The following EXT2 variants were observed in gnomAD, a reference collection of about 807,000 sequenced individuals.
EXT2 encodes exostosin glycosyltransferase 2.
In EXT2, 53 loss-of-function variants were observed where a neutral mutation model predicts 81.6. The ratio of observed to expected loss-of-function variants is 0.65; its 90% CI spans 0.52 to 0.82. The LOEUF is 0.82. Ranked by LOEUF, EXT2 falls within the 40% of genes least tolerant of loss-of-function variation. EXT2 has a pLI of 0.00. For missense variants in EXT2, 774 were observed against 910.2 expected, an observed-to-expected ratio of 0.85 and a Z score of 1.93; for synonymous variants, 320 against 340.0, an observed-to-expected ratio of 0.94 and a Z score of 0.65.
intron 7 of EXT2, among the ~76,000 whole-genome samples, chr11:44,155,112 G>C (rs1954840359): frequency 6.6e-6 from 1 of 151,934 alleles, no homozygotes; most frequent in Admixed American, 6.6e-5. Flanking sequence ...TTTTAACTCT[G>C]TGATCCCATT....
intron 9 of EXT2, among the ~76,000 whole-genome samples, chr11:44,202,755 C>T (rs1955536547): frequency 6.6e-6 from 1 of 152,208 alleles, no homozygotes; most frequent in South Asian, 2.1e-4. Context: ...CACAGTCAAT[C>T]ATGTCAAGAT....
At chr11:44,096,232 G>T in intron 1 of EXT2, 2 of 1,535,816 alleles carry the variant, frequency 1.3e-6, no homozygotes, top group Non-Finnish European at 1.7e-6. Context: ...CAGCCACAGG[G>T]ATCTGATTCC....
chr11:44,131,912 A>T (rs199895240), intron 7 of EXT2, among the ~76,000 whole-genome samples: 1 of 152,042 alleles, frequency 6.6e-6, no homozygotes, highest in Admixed American at 6.5e-5. Context: ...TAATTTTGGT[A>T]CTTTCAGTAG....
chr11:44,105,168 T>C (rs1342300457), intron 1 of EXT2, among the ~76,000 whole-genome samples: 1 of 152,242 alleles, frequency 6.6e-6, no homozygotes, highest in Non-Finnish European at 1.5e-5. Flanking sequence ...GAGCTCCATT[T>C]ATCCGAAGCA....
chr11:44,239,310 T>C (rs1008667508), intron 13 of EXT2, among the ~76,000 whole-genome samples: 21 of 151,580 alleles, frequency 1.4e-4, no homozygotes, highest in African/African-American at 5.1e-4. Flanking sequence ...GTGTCGTTAA[T>C]GGGGACAGGA....
chr11:44,132,715 C>A (rs1437343779), intron 7 of EXT2, among the ~76,000 whole-genome samples: 1 of 152,156 alleles, frequency 6.6e-6, no homozygotes, highest in Non-Finnish European at 1.5e-5. Flanking sequence ...GTCCACTATG[C>A]CAGCTTAAAA....
intron 10 of EXT2, among the ~76,000 whole-genome samples, chr11:44,210,901 T>C (rs574885759): frequency 5.6e-4 from 85 of 152,308 alleles, no homozygotes; most frequent in African/African-American, 2.0e-3. Flanking sequence ...ATTGTATAGA[T>C]TCAAAACAAT....
chr11:44,179,963 G>A (rs1955212322), intron 8 of EXT2, among the ~76,000 whole-genome samples: 2 of 152,072 alleles, frequency 1.3e-5, no homozygotes, highest in South Asian at 4.2e-4. Flanking sequence ...ACAGCTGCAG[G>A]TTAGAAAACT....
intron 6 of EXT2, among the ~76,000 whole-genome samples, chr11:44,127,700 G>A (rs779794496): frequency 2.6e-5 from 4 of 152,140 alleles, no homozygotes; most frequent in Non-Finnish European, 5.9e-5. Flanking sequence ...CTCACCTGGA[G>A]AGCTTAAAAA....
At chr11:44,197,586 T>C (rs1025812966) in intron 8 of EXT2, among the ~76,000 whole-genome samples, 1 of 152,218 alleles carries the variant, frequency 6.6e-6, no homozygotes, top group East Asian at 1.9e-4. Context: ...TAATCTGTCA[T>C]GTTTAACTAG....
intron 4 of EXT2, 66 bp downstream of exon 4, chr11:44,114,367 T>A: frequency 2.1e-6 from 3 of 1,449,218 alleles, no homozygotes; most frequent in Non-Finnish European, 2.9e-6. Flanking sequence ...TGAGGTTTAG[T>A]GTGGTGGGCA....
In EXT2 at chr11:44,235,225, C is replaced by CTTTTT. The variant is rs35214626; in HGVS notation, c.1935+1003_1935+1007dup. 8.0e-3 allele frequency among the ~76,000 whole-genome samples: 406 copies of CTTTTT among 50,778 alleles called. 19 individuals are homozygous for CTTTTT. Among genetic ancestry groups the CTTTTT allele is most frequent in the Non-Finnish European group, 9.1e-3 (282 of 30,928 alleles). The allele number at this position is 50,778 out of a possible 152,430, so 33.3% of individuals were successfully genotyped here. A position where few individuals can be genotyped will look rare whatever the true frequency, so the allele number is the denominator to read the frequency against. ...GGGACCCTTCCCATCCCCAAATTTG[C>CTTTTT]TTTTTTTTTTTTTTTTTTTTTTTTT... On this transcript the variant is annotated intron_variant, in intron 12 of 13. Transcript: ENST00000533608.
At chr11:44,179,875 G>T (rs1955211026) in intron 8 of EXT2, among the ~76,000 whole-genome samples, 1 of 151,976 alleles carries the variant, frequency 6.6e-6, no homozygotes, top group Non-Finnish European at 1.5e-5. Context: ...TGATTAATGT[G>T]TCTCCCAATT....
intron 5 of EXT2, among the ~76,000 whole-genome samples, chr11:44,125,451 T>C (rs577622492): frequency 3.3e-5 from 5 of 152,286 alleles, no homozygotes; most frequent in East Asian, 1.9e-4. Flanking sequence ...TTTGGAGTTC[T>C]TGCCACCTTT....
chr11:44,182,551 T>C (rs1216693183), intron 8 of EXT2, among the ~76,000 whole-genome samples: 1 of 152,222 alleles, frequency 6.6e-6, no homozygotes, highest in Non-Finnish European at 1.5e-5. Flanking sequence ...CTAAAAATAG[T>C]ACACTCTTTA....
intron 10 of EXT2, among the ~76,000 whole-genome samples, chr11:44,209,911 T>G (rs945968186): frequency 1.3e-5 from 2 of 152,264 alleles, no homozygotes; most frequent in Non-Finnish European, 2.9e-5. Flanking sequence ...TGCTATGCCC[T>G]CTGTGCCTAA....
chr11:44,210,339 T>C (rs898703479), intron 10 of EXT2, among the ~76,000 whole-genome samples: 3 of 152,198 alleles, frequency 2.0e-5, no homozygotes, highest in African/African-American at 7.2e-5. Context: ...TATTGATACA[T>C]GCAACAACAT....
intron 4 of EXT2, among the ~76,000 whole-genome samples, chr11:44,115,574 G>A (rs1161482045): frequency 6.6e-6 from 1 of 152,184 alleles, no homozygotes; most frequent in South Asian, 2.1e-4. Flanking sequence ...GTGTGGAAGT[G>A]CTCAGAAGCA....
At chr11:44,171,847 C>A in intron 8 of EXT2, 105 bp downstream of exon 8, 1 of 1,545,860 alleles carries the variant, frequency 6.5e-7, no homozygotes, top group Admixed American at 1.7e-5. Flanking sequence ...TTCTAGCTTT[C>A]TAAGATGAGA....
Sources: gnomAD v4.1 joint callset for allele counts (sites outside exome capture counted in the v4.1 genomes callset) on GRCh38, gnomAD v4.1.1 for gene constraint, MANE v1.5 for transcripts, NCBI Gene and HGNC (gene_info 2026-07-23, HGNC 2026-07-21) for gene names.